TTBK2: variants seen among roughly 807,000 people sequenced by gnomAD.
TTBK2 encodes tau tubulin kinase 2, also known as tau-tubulin kinase 2.
TTBK2 carries 28 observed loss-of-function variants against 110.8 expected under a neutral mutation model. That is an observed-to-expected ratio of 0.25 (90% confidence interval 0.19 to 0.35). The LOEUF (loss-of-function observed/expected upper bound fraction) is 0.35. Among genes scored for constraint, TTBK2 ranks in the 10% least tolerant of loss-of-function variants. The pLI is 1.00. For missense variants in TTBK2, 1,369 were observed against 1,500.3 expected (o/e 0.91, Z 1.45); for synonymous variants, 532 against 527.3 (o/e 1.01, Z -0.12).
At chr15:42,748,163 T>C (rs1442477612) in intron 14 of TTBK2, among the ~76,000 whole-genome samples, 1 of 152,090 alleles carries the variant, frequency 6.6e-6, no homozygotes, top group Non-Finnish European at 1.5e-5. Flanking sequence ...GGGGGTTAGT[T>C]ACAGAAAATA....
At chr15:42,764,373 G>A (rs576704997) in intron 13 of TTBK2, among the ~76,000 whole-genome samples, 12 of 152,328 alleles carry the variant, frequency 7.9e-5, no homozygotes, top group African/African-American at 2.6e-4. Context: ...CGTGACAGAC[G>A]GTACCTGGAA....
chr15:42,806,908 G>A (rs981457145), intron 9 of TTBK2, among the ~76,000 whole-genome samples: 1 of 151,666 alleles, frequency 6.6e-6, no homozygotes, highest in Non-Finnish European at 1.5e-5. Flanking sequence ...GTGTGGCCCA[G>A]GGAAGCCAAA....
intron 2 of TTBK2, among the ~76,000 whole-genome samples, chr15:42,873,119 A>C (rs538702422): frequency 1.3e-5 from 2 of 152,242 alleles, no homozygotes; most frequent in East Asian, 1.9e-4. Context: ...TTTAAGGAAG[A>C]CTTTTTAAAC....
rs532342558 is a variant in TTBK2, at chr15:42,745,502, T to G, written c.*293A>C. ...CCATTCTATCTCCTATCCTCAACTC[T>G]TTTGTTTCAAAGGCAGCTTAAAAAA... On this transcript the variant is annotated 3_prime_UTR_variant, in exon 15 of 15. Coordinates refer to ENST00000267890, the MANE Select transcript of TTBK2 (RefSeq NM_173500.4). 3 of 427,410 alleles carry G rather than the reference T, an allele frequency of 7.0e-6. No individual in the cohort carries two copies. The South Asian group carries it at 7.5e-5, about 11-fold the overall frequency. 26.5% of individuals were successfully genotyped at this position (427,410 alleles called of 1,614,324 possible).
intron 14 of TTBK2, among the ~76,000 whole-genome samples, chr15:42,751,596 A>G (rs2061866740): frequency 6.6e-6 from 1 of 151,996 alleles, no homozygotes. Context: ...AAATAAAATA[A>G]CCTGGTGTGG....
Position 42,750,774 on chromosome 15 carries a change from T to C in TTBK2, c.3272+1200A>G, listed in dbSNP as rs181122292. 1.2e-4 allele frequency among the ~76,000 whole-genome samples: 18 copies of C among 151,846 alleles called. 1 individual carries two copies. The highest frequency in any genetic ancestry group is 1.0e-3 in the Admixed American group (16 of 15,266). Reference sequence around the variant, plus strand: ...ACAACATCCCAGAAGCTCAACAAACTCGAAGTAGGATGAACTCAGAGACCC... The same window carrying C: ...ACAACATCCCAGAAGCTCAACAAACCCGAAGTAGGATGAACTCAGAGACCC... On this transcript the variant is annotated intron_variant, in intron 14 of 14. Coordinates refer to ENST00000267890, the MANE Select transcript of TTBK2 (RefSeq NM_173500.4).
chr15:42,787,283 C>T (rs1199248400), intron 10 of TTBK2, among the ~76,000 whole-genome samples: 2 of 152,174 alleles, frequency 1.3e-5, no homozygotes, highest in Non-Finnish European at 2.9e-5. Context: ...AGCTTGCTGG[C>T]TCATGATTTA....
At chr15:42,831,022 ATGTGTGTGTGTGTG>A (rs67420749) in intron 4 of TTBK2, among the ~76,000 whole-genome samples, 2 of 145,448 alleles carry the variant, frequency 1.4e-5, no homozygotes, top group African/African-American at 5.0e-5. Context: ...AAATGTATAT[ATGTGTGTGTGTGTG>A]TGTGTGTGTG....
In TTBK2 at chr15:42,878,487, A is replaced by ATG; in HGVS notation, c.69+60_69+61dup. ...AGGATACCAAAAATTACCCCCCGATATGTATACACACACACACACACACAC... is the reference window on the plus strand; with the variant it reads ...AGGATACCAAAAATTACCCCCCGATATGTGTATACACACACACACACACACAC... On this transcript the variant is annotated intron_variant, in intron 2 of 14. Coordinates refer to ENST00000267890, the MANE Select transcript of TTBK2 (RefSeq NM_173500.4). 30 of 1,552,992 alleles carry ATG rather than the reference A, an allele frequency of 1.9e-5. No homozygotes were observed. The South Asian group carries it at 3.4e-4, about 18-fold the overall frequency.
chr15:42,909,319 G>C (rs2030610642), intron 1 of TTBK2, among the ~76,000 whole-genome samples: 1 of 152,156 alleles, frequency 6.6e-6, no homozygotes, highest in African/African-American at 2.4e-5. Flanking sequence ...GAATTATTTG[G>C]TTTATGGCCT....
chr15:42,883,616 A>C (rs1264371605), intron 1 of TTBK2, among the ~76,000 whole-genome samples: 1 of 152,028 alleles, frequency 6.6e-6, no homozygotes, highest in Non-Finnish European at 1.5e-5. Flanking sequence ...AAAAAAAATA[A>C]AAATAAAGTG....
intron 9 of TTBK2, among the ~76,000 whole-genome samples, chr15:42,804,243 G>A (rs1380060733): frequency 5.3e-5 from 8 of 151,610 alleles, no homozygotes; most frequent in Non-Finnish European, 7.4e-5. Flanking sequence ...TCAGGAGTTC[G>A]AGACCAGCCT....
intron 6 of TTBK2, among the ~76,000 whole-genome samples, chr15:42,821,692 T>G (rs1454924511): frequency 2.3e-5 from 3 of 128,834 alleles, no homozygotes; most frequent in Non-Finnish European, 4.7e-5. Context: ...TTTTGTTTTT[T>G]TTTTGTTTTT....
In TTBK2 at chr15:42,913,073, C is replaced by T. The variant is rs1285543303; in HGVS notation, c.-68+7365G>A. 2.9e-5 allele frequency among the ~76,000 whole-genome samples: 4 copies of T among 138,336 alleles called. No individual in the cohort carries two copies. The Admixed American group carries it at 3.1e-4, about 11-fold the overall frequency. The allele number at this position is 138,336 out of a possible 152,430, so 90.8% of individuals were successfully genotyped here. A position where few individuals can be genotyped will look rare whatever the true frequency, so the allele number is the denominator to read the frequency against. ...CCGGGAAGCGGAGCTTGCAGTGAGCCGAGATTGCGCCACTGCAGTCCTCAG... is the reference window on the plus strand; with the variant it reads ...CCGGGAAGCGGAGCTTGCAGTGAGCTGAGATTGCGCCACTGCAGTCCTCAG... On this transcript the variant is annotated intron_variant, in intron 1 of 14. Transcript: ENST00000267890.
At chr15:42,817,141 G>A (rs1468000144) in intron 6 of TTBK2, 44 bp from the exon 7 acceptor site, 3 of 1,542,944 alleles carry the variant, frequency 1.9e-6, no homozygotes, top group East Asian at 2.4e-5. Context: ...GCTTCAAACA[G>A]CAATACATTC....
chr15:42,811,879 A>C (rs1168766502), intron 7 of TTBK2, 99 bp from the exon 8 acceptor site: 1 of 1,022,898 alleles, frequency 9.8e-7, no homozygotes, highest in African/African-American at 1.6e-5. Context: ...TATTAGGCTA[A>C]AAATGTAAAT....
At chr15:42,887,578 A>G (rs528753588) in intron 1 of TTBK2, among the ~76,000 whole-genome samples, 18 of 152,250 alleles carry the variant, frequency 1.2e-4, no homozygotes, top group African/African-American at 4.1e-4. Flanking sequence ...TACCTGTCCA[A>G]AAACTGGACC....
At chr15:42,865,518 A>T (rs1894335094) in intron 3 of TTBK2, among the ~76,000 whole-genome samples, 1 of 139,358 alleles carries the variant, frequency 7.2e-6, no homozygotes, top group African/African-American at 2.9e-5. Flanking sequence ...AATACTAAAA[A>T]AAAAAAAAAA....
chr15:42,798,407 A>G, intron 9 of TTBK2: 1 of 398,824 alleles, frequency 2.5e-6, no homozygotes, highest in Admixed American at 3.0e-5. Flanking sequence ...ATTTTACTTA[A>G]TAATACATTC....
Sources: allele counts gnomAD v4.1 joint callset (sites outside exome capture counted in the v4.1 genomes callset), GRCh38; gene constraint gnomAD v4.1.1; transcripts MANE v1.5; gene names NCBI Gene and HGNC (gene_info 2026-07-23, HGNC 2026-07-21).